The following GABRB1 variants were observed in gnomAD, a reference collection of about 807,000 sequenced individuals.
GABRB1 encodes gamma-aminobutyric acid receptor subunit beta-1.
Under a neutral mutation model 51.6 loss-of-function variants are expected in GABRB1, and 17 were observed. The ratio of observed to expected loss-of-function variants is 0.33; its 90% CI spans 0.23 to 0.49. The LOEUF (loss-of-function observed/expected upper bound fraction) is 0.49, where lower values mean the gene tolerates loss of function less well. Among genes scored for constraint, GABRB1 ranks in the 20% least tolerant of loss-of-function variants. GABRB1 has a pLI of 0.99. For missense variants in GABRB1, 410 were observed against 600.6 expected, an observed-to-expected ratio of 0.68 and a Z score of 3.32; for synonymous variants, 247 against 218.9, an observed-to-expected ratio of 1.13 and a Z score of -1.14.
intron 5 of GABRB1, among the ~76,000 whole-genome samples, chr4:47,378,135 A>G (rs1727454792): frequency 6.6e-6 from 1 of 152,192 alleles, no homozygotes; most frequent in Non-Finnish European, 1.5e-5. Context: ...AGGAGCCCAC[A>G]GAGGCGGGGA....
rs34532575 is a variant in GABRB1 at position 47,024,933 on chromosome 4, C to CATATATATATATATATATAT, written c.-19-6963_-19-6962insATATATATATATATATATAT. ...TTTTTATGGCTGGGTAGTATTCCAT[C>CATATATATATATATATATAT]ATATATATATATATATATGTTATTT... On this transcript the variant is annotated intron_variant, in intron 1 of 3. Coordinates refer to the GABRB1 transcript ENST00000513567. Among the ~76,000 whole-genome samples, 284 of 86,150 alleles carry CATATATATATATATATATAT rather than the reference C, an allele frequency of 3.3e-3. 20 individuals carry two copies. Among genetic ancestry groups the CATATATATATATATATATAT allele is most frequent in the African/African-American group, 0.01 (210 of 20,080 alleles). The allele number at this position is 86,150 out of a possible 152,430, so 56.5% of individuals were successfully genotyped here.
chr4:47,275,933 G>T (rs1464801129), intron 4 of GABRB1, among the ~76,000 whole-genome samples: 2 of 152,128 alleles, frequency 1.3e-5, no homozygotes, highest in Non-Finnish European at 2.9e-5. Flanking sequence ...ACAGGCTTTG[G>T]ATATCCTGTG....
chr4:47,091,768 A>C (rs1239854475), intron 3 of GABRB1, among the ~76,000 whole-genome samples: 1 of 152,154 alleles, frequency 6.6e-6, no homozygotes, highest in Non-Finnish European at 1.5e-5. Flanking sequence ...CTTTCTAGGC[A>C]TTTCAACTTC....
In GABRB1 at chr4:47,163,970, G is replaced by A. The variant is rs1436226896; in HGVS notation, c.461+2501G>A. ...TTCTGCATGGCTGGGGAGGTGTCAG[G>A]AAACTTAACAATCATAGCAGAAGAG... On this transcript the variant is annotated intron_variant, in intron 4 of 8. Coordinates refer to ENST00000295454, the MANE Select transcript of GABRB1 (RefSeq NM_000812.4). Among the ~76,000 whole-genome samples, 4 of 152,014 alleles carry A rather than the reference G, an allele frequency of 2.6e-5. No individual in the cohort carries two copies. In the East Asian group the frequency reaches 7.7e-4, roughly 29 times the overall value.
intron 5 of GABRB1, among the ~76,000 whole-genome samples, chr4:47,346,103 A>G (rs1726079406): frequency 6.6e-6 from 1 of 152,076 alleles, no homozygotes; most frequent in African/African-American, 2.4e-5. Flanking sequence ...AAAAAGAGAA[A>G]GAATTTGTTT....
intron 5 of GABRB1, among the ~76,000 whole-genome samples, chr4:47,400,526 G>GTCTCTCTCTCTCTCTCTCTCTCTCTC (rs56896606): frequency 8.5e-6 from 1 of 117,874 alleles, no homozygotes; most frequent in Non-Finnish European, 2.0e-5. Flanking sequence ...CCAGGAGGTA[G>GTCTCTCTCTCTCTCTCTCTCTCTCTC]TCTCTCTCTC....
chr4:47,128,075 C>T (rs907400226), intron 3 of GABRB1, among the ~76,000 whole-genome samples: 1 of 151,490 alleles, frequency 6.6e-6, no homozygotes, highest in African/African-American at 2.4e-5. Flanking sequence ...CAGAGGGTGT[C>T]TGAATAATGC....
rs548926482 is a variant in GABRB1, at chr4:47,235,558, CA to C, written c.461+74101del. Among the ~76,000 whole-genome samples the C allele has an allele frequency of 9.9e-4, 136 of 137,862 alleles. 1 individual carries two copies. Among genetic ancestry groups the C allele is most frequent in the African/African-American group, 2.5e-3 (92 of 37,452 alleles). 90.4% of individuals were successfully genotyped at this position (137,862 alleles called of 152,430 possible). On this transcript the variant is annotated intron_variant, in intron 4 of 8. Coordinates refer to ENST00000295454, the MANE Select transcript of GABRB1 (RefSeq NM_000812.4). ...GTGAGACTGCATCTAAAAAAAAAAC[CA>C]AAAAAAAAAAACTAGGTTCATAGCA...
chr4:47,421,768 C>CTAT (rs1729096269), intron 8 of GABRB1, among the ~76,000 whole-genome samples: 1 of 152,228 alleles, frequency 6.6e-6, no homozygotes, highest in South Asian at 2.1e-4. Context: ...TAATCGTGAT[C>CTAT]TATATTATGC....
intron 3 of GABRB1, among the ~76,000 whole-genome samples, chr4:47,119,860 C>G (rs1290033731): frequency 1.3e-5 from 2 of 151,652 alleles, no homozygotes; most frequent in Non-Finnish European, 2.9e-5. Context: ...CATAAAACTA[C>G]TCAGTAGAAA....
chr4:47,110,151 G>A (rs1296356890), intron 3 of GABRB1, among the ~76,000 whole-genome samples: 1 of 152,052 alleles, frequency 6.6e-6, no homozygotes, highest in Admixed American at 6.6e-5. Context: ...TAAAATCACA[G>A]CAAGATTGTT....
At chr4:47,211,577 G>C (rs1294197215) in intron 4 of GABRB1, among the ~76,000 whole-genome samples, 2 of 152,152 alleles carry the variant, frequency 1.3e-5, no homozygotes, top group Non-Finnish European at 2.9e-5. Flanking sequence ...CTTGAGCAGA[G>C]AACCGTTACC....
chr4:47,147,118 T>A (rs1335961350), intron 3 of GABRB1, among the ~76,000 whole-genome samples: 12 of 151,892 alleles, frequency 7.9e-5, no homozygotes, highest in Admixed American at 7.9e-4. Flanking sequence ...TAAAAGTAAG[T>A]CTTACTCATC....
intron 4 of GABRB1, among the ~76,000 whole-genome samples, chr4:47,294,360 A>C (rs1288874365): frequency 6.6e-6 from 1 of 152,244 alleles, no homozygotes; most frequent in Non-Finnish European, 1.5e-5. Flanking sequence ...AGTCAAAGAA[A>C]GGGGTGACAG....
At chr4:47,050,818 C>T (rs1726316805) in intron 3 of GABRB1, among the ~76,000 whole-genome samples, 1 of 152,090 alleles carries the variant, frequency 6.6e-6, no homozygotes, top group South Asian at 2.1e-4. Context: ...ACTGATGTTT[C>T]CTCTCTTGTC....
At chr4:47,286,787 T>G (rs1425183210) in intron 4 of GABRB1, among the ~76,000 whole-genome samples, 1 of 152,108 alleles carries the variant, frequency 6.6e-6, no homozygotes, top group Admixed American at 6.5e-5. Context: ...ACATGTGACA[T>G]GCCAAAGAAA....
At chr4:47,345,762 G>A (rs753682466) in intron 5 of GABRB1, among the ~76,000 whole-genome samples, 2 of 152,160 alleles carry the variant, frequency 1.3e-5, no homozygotes, top group Non-Finnish European at 2.9e-5. Flanking sequence ...TCATGTCACT[G>A]GTTATAGTCG....
At chr4:47,207,143 C>A (rs962422100) in intron 4 of GABRB1, among the ~76,000 whole-genome samples, 3 of 151,890 alleles carry the variant, frequency 2.0e-5, no homozygotes, top group Non-Finnish European at 4.4e-5. Flanking sequence ...TTTAACAGGA[C>A]ATTTAACTTG....
chr4:47,332,162 A>C (rs1264400508), intron 5 of GABRB1, among the ~76,000 whole-genome samples: 1 of 152,176 alleles, frequency 6.6e-6, no homozygotes, highest in South Asian at 2.1e-4. Context: ...ATATTCATAT[A>C]CTTTTAGAAT....
Sources: gnomAD v4.1 joint callset for allele counts (sites outside exome capture counted in the v4.1 genomes callset) on GRCh38, gnomAD v4.1.1 for gene constraint, MANE v1.5 for transcripts, NCBI Gene and HGNC (gene_info 2026-07-23, HGNC 2026-07-21) for gene names.